ZNF385D: variants seen among roughly 807,000 people sequenced by gnomAD.
ZNF385D encodes the protein zinc finger protein 659.
A neutral mutation model predicts 35.8 loss-of-function variants in ZNF385D; 15 were observed. The ratio of observed to expected loss-of-function variants is 0.42; its 90% confidence interval spans 0.28 to 0.64. ZNF385D has a LOEUF of 0.64. Ranked by LOEUF, ZNF385D falls within the 30% of genes least tolerant of loss-of-function variation. The pLI, the probability that ZNF385D is intolerant of heterozygous loss-of-function variation, is 0.23. For missense variants in ZNF385D, 474 were observed against 494.6 expected, an observed-to-expected ratio of 0.96 and a Z score of 0.39; for synonymous variants, 212 against 186.8, an observed-to-expected ratio of 1.13 and a Z score of -1.10.
chr3:22,273,680 G>A (rs370880350), intron 2 of ZNF385D, among the ~76,000 whole-genome samples: 2 of 152,026 alleles, frequency 1.3e-5, no homozygotes, highest in South Asian at 4.1e-4. Context: ...ATTTCAGTGA[G>A]AGAACGAGAC....
intron 1 of ZNF385D, among the ~76,000 whole-genome samples, chr3:21,705,101 GC>G (rs2067849455): frequency 6.6e-6 from 1 of 152,116 alleles, no homozygotes; most frequent in African/African-American, 2.4e-5. Flanking sequence ...AAGCCAAAAA[GC>G]TTGTTTTTTC....
Position 21,951,780 on chromosome 3 carries a change from T to C in ZNF385D, c.325+217037A>G, listed in dbSNP as rs187093018. Among the ~76,000 whole-genome samples the C allele has an allele frequency of 1.4e-3, 218 of 151,778 alleles. 8 individuals carry two copies. Among genetic ancestry groups the C allele is most frequent in the African/African-American group, 4.8e-3 (199 of 41,132 alleles). Reference sequence around the variant, plus strand: ...AAATTTGTTCTATATATACAATGCATTTTCTAAATTATTGGCTTAAAGGTA... The same window carrying C: ...AAATTTGTTCTATATATACAATGCACTTTCTAAATTATTGGCTTAAAGGTA... On this transcript the variant is annotated intron_variant, in intron 3 of 5. Coordinates refer to the ZNF385D transcript ENST00000494108.
At chr3:22,133,085 G>A (rs1057019802) in intron 3 of ZNF385D, among the ~76,000 whole-genome samples, 2 of 152,106 alleles carry the variant, frequency 1.3e-5, no homozygotes, top group Admixed American at 1.3e-4. Flanking sequence ...AAATGAAAGT[G>A]CAGCTAATTT....
rs1012629690 is a variant in ZNF385D at position 21,983,017 on chromosome 3, T to C, written c.325+185800A>G. ...GAGTATTTTGCTGAAGATTTTTACA[T>C]TGATGTTTATCAAGGATATTGGGCT... On this transcript the variant is annotated intron_variant, in intron 3 of 5. Transcript: ENST00000494108. Among the ~76,000 whole-genome samples the C allele has an allele frequency of 1.8e-4, 27 of 152,212 alleles. 1 individual carries two copies. The highest frequency in any genetic ancestry group is 4.8e-4 in the African/African-American group (20 of 41,566).
chr3:22,014,053 A>G (rs996888927), intron 3 of ZNF385D, among the ~76,000 whole-genome samples: 3 of 152,188 alleles, frequency 2.0e-5, no homozygotes, highest in Non-Finnish European at 4.4e-5. Context: ...TACGTCAGGA[A>G]TGGGAAGAAA....
intron 5 of ZNF385D, among the ~76,000 whole-genome samples, chr3:21,433,949 A>C (rs1222542279): frequency 1.3e-5 from 2 of 152,140 alleles, no homozygotes; most frequent in Non-Finnish European, 2.9e-5. Context: ...ACAGTTCCAA[A>C]TACTTTGAGC....
intron 2 of ZNF385D, among the ~76,000 whole-genome samples, chr3:21,567,384 C>T (rs751465519): frequency 5.3e-5 from 8 of 152,086 alleles, no homozygotes; most frequent in Non-Finnish European, 2.9e-5. Context: ...CTTCCTCAAT[C>T]TTTTATTATT....
chr3:21,671,039 G>A (rs375731123), intron 1 of ZNF385D, among the ~76,000 whole-genome samples: 3 of 151,974 alleles, frequency 2.0e-5, no homozygotes, highest in Admixed American at 6.6e-5. Flanking sequence ...TGCTAACATC[G>A]CCATTTTTTG....
At chr3:21,575,344 G>A (rs1274595167) in intron 2 of ZNF385D, among the ~76,000 whole-genome samples, 1 of 152,056 alleles carries the variant, frequency 6.6e-6, no homozygotes, top group East Asian at 1.9e-4. Context: ...TTGCCAAATA[G>A]CAAAAGATAT....
chr3:22,131,988 G>A (rs576943610), intron 3 of ZNF385D, among the ~76,000 whole-genome samples: 1 of 152,180 alleles, frequency 6.6e-6, no homozygotes, highest in Non-Finnish European at 1.5e-5. Flanking sequence ...TTCACCTGTA[G>A]GGGTGCAGGC....
chr3:22,303,559 C>G (rs1266628681), intron 2 of ZNF385D, among the ~76,000 whole-genome samples: 1 of 152,072 alleles, frequency 6.6e-6, no homozygotes, highest in Non-Finnish European at 1.5e-5. Flanking sequence ...AAAACATATT[C>G]TATACTGCAG....
At chr3:21,625,884 C>T (rs73138804) in intron 2 of ZNF385D, among the ~76,000 whole-genome samples, 118 of 152,132 alleles carry the variant, frequency 7.8e-4, no homozygotes, top group African/African-American at 2.7e-3. Context: ...GTAGTCAAAG[C>T]GATTTGAAAT....
At chr3:22,266,236 C>G (rs1483629688) in intron 2 of ZNF385D, among the ~76,000 whole-genome samples, 2 of 151,958 alleles carry the variant, frequency 1.3e-5, no homozygotes, top group African/African-American at 4.8e-5. Flanking sequence ...ACACAGCAAT[C>G]AAGCTGCTTC....
intron 2 of ZNF385D, among the ~76,000 whole-genome samples, chr3:22,338,326 T>C (rs759365488): frequency 4.6e-5 from 7 of 152,206 alleles, no homozygotes; most frequent in Admixed American, 1.3e-4. Context: ...GATTTCCATA[T>C]GATCTTTTTA....
intron 2 of ZNF385D, among the ~76,000 whole-genome samples, chr3:22,342,313 T>C (rs187938834): frequency 6.7e-6 from 1 of 148,828 alleles, no homozygotes; most frequent in African/African-American, 2.5e-5. Flanking sequence ...ACTGAATGAA[T>C]TACTATCAAT....
At chr3:21,423,742 A>C (rs1391755600) in intron 7 of ZNF385D, among the ~76,000 whole-genome samples, 2 of 152,182 alleles carry the variant, frequency 1.3e-5, no homozygotes, top group South Asian at 2.1e-4. Context: ...TCCTTCCAAA[A>C]GTACTAACTT....
chr3:22,047,120 C>G (rs945464024), intron 3 of ZNF385D, among the ~76,000 whole-genome samples: 1 of 152,028 alleles, frequency 6.6e-6, no homozygotes, highest in African/African-American at 2.4e-5. Context: ...TGTTGATTGA[C>G]AAATAAAAAT....
intron 3 of ZNF385D, among the ~76,000 whole-genome samples, chr3:21,852,054 A>G (rs1057344547): frequency 6.6e-6 from 1 of 151,904 alleles, no homozygotes; most frequent in East Asian, 1.9e-4. Context: ...TTTTCTTTCC[A>G]ATGTCTAGAC....
chr3:22,072,435 A>T (rs1258782265), intron 3 of ZNF385D, among the ~76,000 whole-genome samples: 2 of 152,094 alleles, frequency 1.3e-5, no homozygotes, highest in Non-Finnish European at 2.9e-5. Context: ...AGCACTCTCT[A>T]AACAATCTCA....
Sources: gnomAD v4.1 joint callset for allele counts (sites outside exome capture counted in the v4.1 genomes callset) on GRCh38, gnomAD v4.1.1 for gene constraint, MANE v1.5 for transcripts, NCBI Gene and HGNC (gene_info 2026-07-23, HGNC 2026-07-21) for gene names.